Variants in RYR2 observed in about 807,000 individuals in gnomAD.
RYR2 encodes cardiac muscle ryanodine receptor-calcium release channel.
RYR2 carries 227 observed loss-of-function variants against 601.1 expected under a neutral mutation model. The ratio of observed to expected loss-of-function variants is 0.38; its 90% CI spans 0.34 to 0.42. RYR2 has a LOEUF of 0.42. Ranked by LOEUF, RYR2 falls within the 10% of genes least tolerant of loss-of-function variation. The pLI is 1.00. For missense variants in RYR2, 4,646 were observed against 6,156.5 expected (o/e 0.75, Z 8.21); for synonymous variants, 2,223 against 2,175.1 (o/e 1.02, Z -0.61).
Position 237,815,564 on chromosome 1 carries a change from T to C in RYR2, c.14434-3472T>C, listed in dbSNP as rs914123832. On this transcript the variant is annotated intron_variant, in intron 100 of 104. Coordinates refer to ENST00000366574, the MANE Select transcript of RYR2 (RefSeq NM_001035.3). ...CTGTCTTTTCAGCATGACTGTTAAG[T>C]CCACTACCGATCTCTGCTGGAATCC... Among the ~76,000 whole-genome samples, 4 of 152,324 alleles carry C rather than the reference T, an allele frequency of 2.6e-5. No homozygotes were observed. In the South Asian group the frequency reaches 6.2e-4, roughly 24 times the overall value.
intron 29 of RYR2, among the ~76,000 whole-genome samples, chr1:237,580,707 G>T (rs1397051118): frequency 6.6e-6 from 1 of 152,182 alleles, no homozygotes; most frequent in Non-Finnish European, 1.5e-5. Context: ...TGTATTTAGA[G>T]ATGGGGCCTT....
chr1:237,684,274 G>A (rs1686166046), intron 62 of RYR2, among the ~76,000 whole-genome samples: 1 of 151,918 alleles, frequency 6.6e-6, no homozygotes, highest in Admixed American at 6.6e-5. Flanking sequence ...TGTACGGCAA[G>A]CTGTCTGAGG....
chr1:237,197,493 G>T (rs1285125569), intron 1 of RYR2, among the ~76,000 whole-genome samples: 4 of 152,182 alleles, frequency 2.6e-5, no homozygotes, highest in Non-Finnish European at 4.4e-5. Flanking sequence ...TTGAGGCAAA[G>T]ACTTTTCCAG....
intron 25 of RYR2, among the ~76,000 whole-genome samples, chr1:237,546,414 G>A (rs1669809352): frequency 6.6e-6 from 1 of 152,192 alleles, no homozygotes; most frequent in East Asian, 1.9e-4. Context: ...GTCTCGCCGT[G>A]TCACCCAGGC....
chr1:237,391,302 T>C (rs1014001781), intron 10 of RYR2, among the ~76,000 whole-genome samples: 2 of 152,110 alleles, frequency 1.3e-5, no homozygotes, highest in African/African-American at 4.8e-5. Context: ...AATATACTTT[T>C]TTCATTCATT....
intron 1 of RYR2, among the ~76,000 whole-genome samples, chr1:237,203,851 G>T (rs1191217493): frequency 6.6e-6 from 1 of 152,120 alleles, no homozygotes; most frequent in East Asian, 1.9e-4. Flanking sequence ...CCTATTCCGT[G>T]CAGTCTCCAC....
At chr1:237,474,293 A>G (rs1661157027) in intron 17 of RYR2, among the ~76,000 whole-genome samples, 1 of 49,458 alleles carries the variant, frequency 2.0e-5, no homozygotes, top group Admixed American at 2.6e-4. Flanking sequence ...ACATATATAT[A>G]TATACACACA....
intron 80 of RYR2, among the ~76,000 whole-genome samples, chr1:237,744,156 T>G (rs1482138097): frequency 1.3e-5 from 2 of 152,182 alleles, no homozygotes. Flanking sequence ...TGACTATTTC[T>G]CTCTTAATAT....
chr1:237,052,791 C>G (rs778347578), intron 1 of RYR2, among the ~76,000 whole-genome samples: 1 of 152,050 alleles, frequency 6.6e-6, no homozygotes, highest in Admixed American at 6.5e-5. Flanking sequence ...TACACACACA[C>G]GCATTGCATA....
At chr1:237,793,795 T>C (rs1396772303) in intron 94 of RYR2, 72 bp from the exon 95 acceptor site, 2 of 1,212,034 alleles carry the variant, frequency 1.7e-6, no homozygotes, top group Non-Finnish European at 2.3e-6. Flanking sequence ...AAAGCTGTTT[T>C]GTAAAGATAG....
At chr1:237,795,521 AGCTCACTGCAACCT>A (rs1659003302) in intron 96 of RYR2, among the ~76,000 whole-genome samples, 190 bp downstream of exon 96, 1 of 151,456 alleles carries the variant, frequency 6.6e-6, no homozygotes, top group Non-Finnish European at 1.5e-5. Context: ...GCGCGATCTC[AGCTCACTGCAACCT>A]CAGCTGCCCA....
chr1:237,428,515 C>CA (rs1706445632), intron 12 of RYR2, among the ~76,000 whole-genome samples: 1 of 151,680 alleles, frequency 6.6e-6, no homozygotes, highest in African/African-American at 2.4e-5. Context: ...CCAAGTGCTA[C>CA]ATGTTCTCAC....
intron 1 of RYR2, among the ~76,000 whole-genome samples, chr1:237,239,002 G>C (rs1247056013): frequency 6.6e-6 from 1 of 152,112 alleles, no homozygotes; most frequent in African/African-American, 2.4e-5. Context: ...AAGACATTGA[G>C]TGTGCTCAGG....
intron 1 of RYR2, among the ~76,000 whole-genome samples, chr1:237,086,348 G>A (rs1416892908): frequency 6.6e-6 from 1 of 151,960 alleles, no homozygotes; most frequent in Non-Finnish European, 1.5e-5. Flanking sequence ...ATTGGATGAG[G>A]GCTCACCCTC....
chr1:237,482,540 T>C (rs1270096325), intron 17 of RYR2, among the ~76,000 whole-genome samples: 1 of 152,198 alleles, frequency 6.6e-6, no homozygotes, highest in African/African-American at 2.4e-5. Flanking sequence ...GATCACATTC[T>C]TTTTTATGGC....
intron 101 of RYR2, among the ~76,000 whole-genome samples, chr1:237,821,910 A>G (rs1662551484): frequency 6.6e-6 from 1 of 151,724 alleles, no homozygotes; most frequent in Non-Finnish European, 1.5e-5. Context: ...TCAATCAAGC[A>G]GAAGAAAGGA....
intron 12 of RYR2, among the ~76,000 whole-genome samples, chr1:237,423,569 A>G (rs1340993077): frequency 6.6e-6 from 1 of 152,148 alleles, no homozygotes; most frequent in Non-Finnish European, 1.5e-5. Context: ...GAAAATACCT[A>G]TTATACGTCA....
At chr1:237,055,949 T>TGAGGACTGGAGACCGTACTTGA (rs1424531983) in intron 1 of RYR2, among the ~76,000 whole-genome samples, 1 of 151,916 alleles carries the variant, frequency 6.6e-6, no homozygotes, top group African/African-American at 2.4e-5. Context: ...ACTGCACCTG[T>TGAGGACTGGAGACCGTACTTGA]GAGGACTGGA....
chr1:237,614,617 T>G lies in RYR2; in HGVS notation c.5489T>G (p.Ile1830Ser). The change falls in exon 37 of 105, where the codon ATC (isoleucine) becomes AGC (serine). Residue 1830 changes from isoleucine (I) to serine (S), a missense_variant. Coordinates refer to ENST00000366574, the MANE Select transcript of RYR2 (RefSeq NM_001035.3). The surrounding 1 kb of genome is among the most constrained non-coding windows in gnomAD (Gnocchi z 4.3). ...PLIKLFYTLL[I>S]MGIFHNEDLK... ...ATCAAGCTTTTCTATACCCTGCTGA[T>G]CATGGGCATCTTTCACAACGAGGAC... The G allele has an allele frequency of 6.2e-7, 1 of 1,614,046 alleles. No individual in the cohort carries two copies. Among genetic ancestry groups the G allele is most frequent in the Non-Finnish European group, 8.5e-7 (1 of 1,179,898 alleles).
Sources: allele counts gnomAD v4.1 joint callset (sites outside exome capture counted in the v4.1 genomes callset), GRCh38; gene constraint gnomAD v4.1.1; non-coding constraint Gnocchi (gnomAD v3.1); transcripts MANE v1.5; gene names NCBI Gene and HGNC (gene_info 2026-07-23, HGNC 2026-07-21).